Variants in ARSG observed in about 807,000 individuals in gnomAD.
ARSG encodes the protein ASG.
Under a neutral mutation model 50.5 loss-of-function variants are expected in ARSG, and 37 were observed. The observed-to-expected ratio is 0.73, with a 90% confidence interval of 0.56 to 0.96. The LOEUF is 0.96. ARSG is among the 50% of genes least tolerant of loss of function. The pLI, the probability that ARSG is intolerant of heterozygous loss-of-function variation, is 0.00. For missense variants in ARSG, 629 were observed against 675.3 expected (o/e 0.93, Z 0.76); for synonymous variants, 225 against 254.6 (o/e 0.88, Z 1.11).
intron 1 of ARSG, among the ~76,000 whole-genome samples, chr17:68,303,514 T>A (rs913217656): frequency 3.9e-5 from 6 of 152,124 alleles, no homozygotes; most frequent in Non-Finnish European, 8.8e-5. Context: ...AGTGGCGCAA[T>A]CTCAGCTCAC....
chr17:68,426,238 C>CGGGGGGGGG, downstream of ARSG: 3 of 615,186 alleles, frequency 4.9e-6, no homozygotes, highest in Non-Finnish European at 4.7e-6. Context: ...CATGACCTGG[C>CGGGGGGGGG]GGGTGGGGAG....
chr17:68,271,617 G>GT lies in ARSG; in HGVS notation c.-552+12192dup. 1 of 1,613,834 alleles carries GT rather than the reference G, an allele frequency of 6.2e-7. No homozygotes were observed. Among genetic ancestry groups the GT allele is most frequent in the Non-Finnish European group, 8.5e-7 (1 of 1,179,678 alleles). ...GTAGTAGGCCCACGAAGAGGAGGCT[G>GT]TATCTCCAGCCAATGCGCTCCTTCA... is the stretch of plus-strand genomic sequence containing the variant. On this transcript the variant is annotated intron_variant, in intron 1 of 11. Transcript: ENST00000448504. This position sits in a 1 kb window ranked among gnomAD's most constrained non-coding sequence, Gnocchi z 5.3.
intron 2 of ARSG, among the ~76,000 whole-genome samples, chr17:68,339,152 G>C (rs2078157231): frequency 1.3e-5 from 2 of 152,176 alleles, no homozygotes; most frequent in East Asian, 3.9e-4. Context: ...AGCCGGGCGT[G>C]GTGGCGCGTG....
At chr17:68,343,997 G>C (rs1428149217) in intron 3 of ARSG, among the ~76,000 whole-genome samples, 2 of 152,214 alleles carry the variant, frequency 1.3e-5, no homozygotes, top group Non-Finnish European at 2.9e-5. Context: ...AGCAAGTTTT[G>C]TGGTAACTGG....
intron 6 of ARSG, among the ~76,000 whole-genome samples, chr17:68,358,064 G>A (rs534707703): frequency 1.1e-4 from 17 of 152,000 alleles, no homozygotes; most frequent in South Asian, 2.1e-4. Context: ...TTAGCTGGGC[G>A]TGGTGATCTG....
downstream of ARSG, chr17:68,426,254 G>GGGCCCCCCC: frequency 2.4e-6 from 2 of 816,856 alleles, no homozygotes; most frequent in Non-Finnish European, 1.9e-6. Context: ...GGGAGCGGGG[G>GGGCCCCCCC]CTCAAATAAA....
At chr17:68,296,993 C>T (rs1366267143) in intron 1 of ARSG, among the ~76,000 whole-genome samples, 1 of 152,210 alleles carries the variant, frequency 6.6e-6, no homozygotes, top group Admixed American at 6.5e-5. Context: ...ATGTTACATG[C>T]ACTCATCCAG....
intron 3 of ARSG, among the ~76,000 whole-genome samples, chr17:68,346,075 C>T (rs2078489586): frequency 6.6e-6 from 1 of 152,072 alleles, no homozygotes. Flanking sequence ...AAGGTTTTGC[C>T]ACGTTGCCCA....
chr17:68,429,824 G>A, the ARSG span, among the ~76,000 whole-genome samples: 2 of 152,122 alleles, frequency 1.3e-5, no homozygotes, highest in Non-Finnish European at 2.9e-5. Context: ...CCTGACCTCA[G>A]ATGATCTGCC....
chr17:68,428,560 T>G, the ARSG span: 1 of 316,562 alleles, frequency 3.2e-6, no homozygotes, highest in Non-Finnish European at 6.0e-6. Context: ...ACACCCACTG[T>G]GAGCTCAGGG....
At chr17:68,321,324 C>A (rs185293884) in intron 2 of ARSG, among the ~76,000 whole-genome samples, 6 of 152,348 alleles carry the variant, frequency 3.9e-5, no homozygotes, top group Admixed American at 1.3e-4. Flanking sequence ...TCTCAATGAT[C>A]TCACTTGACA....
the ARSG span, among the ~76,000 whole-genome samples, chr17:68,430,474 G>A: frequency 1.3e-5 from 2 of 152,198 alleles, no homozygotes; most frequent in Non-Finnish European, 2.9e-5. Flanking sequence ...AAGAGAGTTA[G>A]GGTAGAGAGT....
At chr17:68,436,663 A>AG in the ARSG span, among the ~76,000 whole-genome samples, 49 of 152,310 alleles carry the variant, frequency 3.2e-4, 1 homozygote, top group South Asian at 8.3e-4. Context: ...GCAACTTCAC[A>AG]GGGGAAGACC....
the ARSG span, chr17:68,444,381 A>T: frequency 1.2e-5 from 11 of 925,256 alleles, no homozygotes; most frequent in African/African-American, 1.7e-4. Flanking sequence ...CCTCACTAAG[A>T]CTCAAAAAGC....
chr17:68,333,634 T>A (rs1348339798), intron 2 of ARSG, among the ~76,000 whole-genome samples: 3 of 13,112 alleles, frequency 2.3e-4, no homozygotes, highest in East Asian at 4.5e-3. Context: ...GTCTCAAAAA[T>A]AATAATAATA....
At chr17:68,437,066 C>G in the ARSG span, among the ~76,000 whole-genome samples, 1 of 143,738 alleles carries the variant, frequency 7.0e-6, no homozygotes, top group Non-Finnish European at 1.5e-5. Context: ...CATTTTACCC[C>G]AGGACTCTGA....
chr17:68,272,022 C>T (rs1277238475), intron 1 of ARSG, among the ~76,000 whole-genome samples: 2 of 152,080 alleles, frequency 1.3e-5, no homozygotes, highest in Non-Finnish European at 2.9e-5. Context: ...AGGATGGTCT[C>T]GATCTCCTGA....
chr17:68,268,401 A>T (rs35566458), intron 1 of ARSG: 25,383 of 150,148 alleles, frequency 0.17, 2,733 homozygotes, highest in Middle Eastern at 0.29. Context: ...AAGAAGTGGT[A>T]ATCTTCACAT....
intron 1 of ARSG, among the ~76,000 whole-genome samples, chr17:68,276,218 C>T (rs1292325082): frequency 6.0e-5 from 9 of 151,218 alleles, no homozygotes; most frequent in African/African-American, 1.2e-4. Flanking sequence ...CTCAGCCTTC[C>T]GAGTAGCTGG....
Sources: allele counts gnomAD v4.1 joint callset (sites outside exome capture counted in the v4.1 genomes callset), GRCh38; gene constraint gnomAD v4.1.1; non-coding constraint Gnocchi (gnomAD v3.1); transcripts MANE v1.5; gene names NCBI Gene and HGNC (gene_info 2026-07-23, HGNC 2026-07-21).